Variants in RANBP2 observed in about 807,000 individuals in gnomAD.
RANBP2 encodes E3 SUMO-protein ligase RanBP2.
RANBP2 carries 57 observed loss-of-function variants against 303.6 expected under a neutral mutation model. The observed-to-expected ratio is 0.19, with a 90% confidence interval of 0.15 to 0.23. RANBP2 has a LOEUF of 0.23. RANBP2 is among the 10% of genes least tolerant of loss of function. The probability of loss-of-function intolerance (pLI) is 1.00; values close to 1 mark genes in which losing one functional copy is unlikely to be tolerated. For synonymous variants in RANBP2, 1,167 were observed against 1,301.5 expected, an observed-to-expected ratio of 0.90 and a Z score of 2.23; for missense variants, 3,138 against 3,780.8, an observed-to-expected ratio of 0.83 and a Z score of 4.46.
the RANBP2 span, chr2:108,794,522 A>G: frequency 1.9e-6 from 3 of 1,582,262 alleles, no homozygotes; most frequent in Admixed American, 5.5e-5. Flanking sequence ...TATAATGCAA[A>G]TGTTATTTTC....
At chr2:109,316,074 G>T in the RANBP2 span, among the ~76,000 whole-genome samples, 2 of 152,204 alleles carry the variant, frequency 1.3e-5, no homozygotes, top group Non-Finnish European at 2.9e-5. Flanking sequence ...GGTTAGAAAA[G>T]TGCATTTCCA....
At chr2:109,001,814 T>C in the RANBP2 span, among the ~76,000 whole-genome samples, 3 of 152,116 alleles carry the variant, frequency 2.0e-5, no homozygotes, top group Admixed American at 6.5e-5. Context: ...CACTGCAAGC[T>C]CCGCCTCCTG....
At chr2:109,609,114 C>A in the RANBP2 span, among the ~76,000 whole-genome samples, 139,242 of 152,302 alleles carry the variant, frequency 0.91, 63,805 homozygotes, top group Middle Eastern at 0.97. Context: ...CGGTCTGGGA[C>A]TATCTGAAAA....
the RANBP2 span, among the ~76,000 whole-genome samples, chr2:109,645,191 G>A: frequency 1.2e-4 from 19 of 152,300 alleles, no homozygotes; most frequent in African/African-American, 4.6e-4. Flanking sequence ...ATTCCTTGAC[G>A]GCTGTTGTGG....
chr2:109,100,527 A>G, the RANBP2 span, among the ~76,000 whole-genome samples: 1 of 152,192 alleles, frequency 6.6e-6, no homozygotes, highest in Non-Finnish European at 1.5e-5. Context: ...AGATGAGGGA[A>G]TAAACCAAGA....
At chr2:109,651,509 C>T in the RANBP2 span, among the ~76,000 whole-genome samples, 1 of 152,282 alleles carries the variant, frequency 6.6e-6, no homozygotes, top group East Asian at 1.9e-4. Context: ...TTGGCACCAA[C>T]AAGAAATAGA....
chr2:109,249,583 C>CCTTCCTTCCTTCCTTCCTTCCTTCCTTT, the RANBP2 span, among the ~76,000 whole-genome samples: 1 of 84,402 alleles, frequency 1.2e-5, no homozygotes, highest in Non-Finnish European at 2.3e-5. Context: ...TTCCTTCCTT[C>CCTTCCTTCCTTCCTTCCTTCCTTCCTTT]CTTTCCTTTC....
chr2:109,548,399 G>A, the RANBP2 span, among the ~76,000 whole-genome samples: 2 of 152,158 alleles, frequency 1.3e-5, no homozygotes, highest in African/African-American at 2.4e-5. Context: ...AGAAAAAGAC[G>A]ACATAGCTGG....
At chr2:109,603,755 T>G in the RANBP2 span, among the ~76,000 whole-genome samples, 1 of 151,936 alleles carries the variant, frequency 6.6e-6, no homozygotes, top group Non-Finnish European at 1.5e-5. Flanking sequence ...AGCAGAGACT[T>G]GATGAAGAAA....
the RANBP2 span, among the ~76,000 whole-genome samples, chr2:109,151,917 T>C: frequency 6.6e-6 from 1 of 152,250 alleles, no homozygotes; most frequent in South Asian, 2.1e-4. Context: ...TGGTTTGAAG[T>C]TAATATAATA....
At chr2:109,135,452 A>G in the RANBP2 span, among the ~76,000 whole-genome samples, 1 of 152,206 alleles carries the variant, frequency 6.6e-6, no homozygotes, top group Admixed American at 6.5e-5. Context: ...TAGGGATGCT[A>G]TCTGCTTCTT....
the RANBP2 span, among the ~76,000 whole-genome samples, chr2:109,054,909 C>T: frequency 1.8e-4 from 28 of 152,212 alleles, no homozygotes; most frequent in African/African-American, 6.5e-4. Flanking sequence ...TAGGGTCTCT[C>T]GAGGTTCACC....
the RANBP2 span, among the ~76,000 whole-genome samples, chr2:108,809,541 ACTTC>A: frequency 1.3e-5 from 2 of 149,686 alleles, no homozygotes; most frequent in Non-Finnish European, 3.0e-5. Context: ...GAAATCTTTC[ACTTC>A]CTTGGTTAAA....
the RANBP2 span, chr2:109,545,980 T>TA: frequency 6.6e-7 from 1 of 1,507,766 alleles, no homozygotes; most frequent in African/African-American, 1.4e-5. Context: ...TAAGAAGCGC[T>TA]AGGAAGATCC....
the RANBP2 span, among the ~76,000 whole-genome samples, chr2:109,652,370 C>G: frequency 1.3e-5 from 2 of 151,600 alleles, no homozygotes; most frequent in Non-Finnish European, 3.0e-5. Context: ...CTACAGGCAC[C>G]CGCCACCACG....
At chr2:109,369,881 G>A in the RANBP2 span, among the ~76,000 whole-genome samples, 1 of 152,238 alleles carries the variant, frequency 6.6e-6, no homozygotes, top group Non-Finnish European at 1.5e-5. Context: ...AAAGAGGCCT[G>A]TAAGTCCCGA....
At chr2:109,136,313 A>G in the RANBP2 span, among the ~76,000 whole-genome samples, 1,474 of 152,246 alleles carry the variant, frequency 9.7e-3, 22 homozygotes, top group African/African-American at 0.034. Context: ...AATTTTTATC[A>G]GATTTGCCTT....
At chr2:109,354,850 T>G in the RANBP2 span, among the ~76,000 whole-genome samples, 1 of 152,228 alleles carries the variant, frequency 6.6e-6, no homozygotes, top group Non-Finnish European at 1.5e-5. Context: ...AAAATGCACT[T>G]TAAAGACTCC....
the RANBP2 span, among the ~76,000 whole-genome samples, chr2:109,081,478 A>T: frequency 6.6e-6 from 1 of 152,246 alleles, no homozygotes; most frequent in East Asian, 1.9e-4. Context: ...TGGCTGACTC[A>T]ATGCTGGGCT....
Sources: allele counts gnomAD v4.1 joint callset (sites outside exome capture counted in the v4.1 genomes callset), GRCh38; gene constraint gnomAD v4.1.1; transcripts MANE v1.5; gene names NCBI Gene and HGNC (gene_info 2026-07-23, HGNC 2026-07-21).